The following CIMAP1D variants were observed in gnomAD, a reference collection of about 807,000 sequenced individuals.
CIMAP1D encodes CIMAP1 family member D.
At chr19:490,873 C>T in the CIMAP1D span, among the ~76,000 whole-genome samples, 2 of 152,166 alleles carry the variant, frequency 1.3e-5, no homozygotes, top group Admixed American at 6.5e-5. Context: ...CCAAGGCGGG[C>T]GGATCACCTG....
At chr19:480,735 G>GGATGATGGAGAAC in the CIMAP1D span, among the ~76,000 whole-genome samples, 3 of 115,158 alleles carry the variant, frequency 2.6e-5, no homozygotes, top group Admixed American at 8.8e-5. Flanking sequence ...ATGATGGGAA[G>GGATGATGGAGAAC]GATGATGGAG....
the CIMAP1D span, among the ~76,000 whole-genome samples, chr19:468,878 A>C: frequency 1.5e-4 from 6 of 38,756 alleles, no homozygotes; most frequent in South Asian, 6.3e-4. Context: ...ACATCATCCA[A>C]ACCTTTGCCC....
the CIMAP1D span, among the ~76,000 whole-genome samples, chr19:465,134 G>A: frequency 8.5e-5 from 10 of 117,512 alleles, no homozygotes; most frequent in African/African-American, 4.0e-4. Flanking sequence ...TTGATGAGTG[G>A]ATGGATGGAT....
chr19:467,956 A>C, the CIMAP1D span, among the ~76,000 whole-genome samples: 2 of 151,266 alleles, frequency 1.3e-5, no homozygotes, highest in South Asian at 4.2e-4. Context: ...CTCTGCTCTG[A>C]CTCTGTCTCC....
chr19:465,131 GTGGA>G, the CIMAP1D span, among the ~76,000 whole-genome samples: 6,702 of 77,160 alleles, frequency 0.087, 445 homozygotes, highest in African/African-American at 0.17. Context: ...GGGTTGATGA[GTGGA>G]TGGATGGATG....
At chr19:470,698 C>T in the CIMAP1D span, among the ~76,000 whole-genome samples, 2 of 152,326 alleles carry the variant, frequency 1.3e-5, no homozygotes, top group South Asian at 4.1e-4. Flanking sequence ...CTGTCCAAAT[C>T]CCCACACAAG....
chr19:478,590 C>A, the CIMAP1D span, among the ~76,000 whole-genome samples: 7 of 152,252 alleles, frequency 4.6e-5, no homozygotes, highest in African/African-American at 7.2e-5. Context: ...CAGAGCTTGT[C>A]GCAACTGCCA....
the CIMAP1D span, among the ~76,000 whole-genome samples, chr19:488,526 A>T: frequency 6.6e-6 from 1 of 152,258 alleles, no homozygotes; most frequent in African/African-American, 2.4e-5. Flanking sequence ...CGTCTCAAAA[A>T]AATAACAAGT....
the CIMAP1D span, among the ~76,000 whole-genome samples, chr19:471,661 A>G: frequency 6.6e-6 from 1 of 151,916 alleles, no homozygotes; most frequent in Non-Finnish European, 1.5e-5. Context: ...TCAAAAAGGC[A>G]TCTAATCCTT....
At chr19:478,695 C>T in the CIMAP1D span, among the ~76,000 whole-genome samples, 1 of 152,282 alleles carries the variant, frequency 6.6e-6, no homozygotes, top group Non-Finnish European at 1.5e-5. Context: ...GAGACTAAAT[C>T]ACAACAGTGA....
the CIMAP1D span, among the ~76,000 whole-genome samples, chr19:467,411 C>T: frequency 6.6e-6 from 1 of 152,074 alleles, no homozygotes; most frequent in Non-Finnish European, 1.5e-5. Flanking sequence ...CCAGCTGCCT[C>T]TGTGGCCATG....
At chr19:475,147 T>G in the CIMAP1D span, among the ~76,000 whole-genome samples, 14 of 151,882 alleles carry the variant, frequency 9.2e-5, no homozygotes, top group Non-Finnish European at 1.8e-4. Flanking sequence ...GGCGGGGTCG[T>G]GGGTGGCGTG....
the CIMAP1D span, among the ~76,000 whole-genome samples, chr19:473,190 A>G: frequency 9.5e-3 from 617 of 64,900 alleles, 24 homozygotes; most frequent in East Asian, 0.058. Flanking sequence ...CCAGAGATAC[A>G]CGGTCACAGA....
At chr19:478,775 G>A in the CIMAP1D span, among the ~76,000 whole-genome samples, 1 of 152,290 alleles carries the variant, frequency 6.6e-6, no homozygotes, top group African/African-American at 2.4e-5. Flanking sequence ...GCTGCCGGCT[G>A]CAGGCGAGGG....
At chr19:465,323 ATGGATGGATGAGTGAG>A in the CIMAP1D span, among the ~76,000 whole-genome samples, 16 of 144,724 alleles carry the variant, frequency 1.1e-4, no homozygotes, top group Non-Finnish European at 1.7e-4. Flanking sequence ...GTGTAGATGG[ATGGATGGATGAGTGAG>A]TGGATGGATG....
chr19:468,849 G>A, the CIMAP1D span, among the ~76,000 whole-genome samples: 43 of 44,550 alleles, frequency 9.7e-4, no homozygotes, highest in African/African-American at 1.5e-3. Flanking sequence ...GCCCAGACAC[G>A]GCTCCAGACC....
the CIMAP1D span, chr19:474,710 G>A: frequency 1.3e-6 from 2 of 1,555,508 alleles, no homozygotes; most frequent in East Asian, 2.4e-5. Context: ...GGGGGCTGTG[G>A]CCAGCCGTGG....
the CIMAP1D span, among the ~76,000 whole-genome samples, chr19:485,318 C>T: frequency 6.6e-6 from 1 of 152,222 alleles, no homozygotes. Context: ...AGGCAGGAGC[C>T]GGGCGTGCCC....
chr19:489,843 C>T, the CIMAP1D span: 60 of 381,172 alleles, frequency 1.6e-4, no homozygotes, highest in Non-Finnish European at 2.4e-4. Context: ...AGCGAGTCGT[C>T]CTCAGAGGCC....
Sources: allele counts gnomAD v4.1 joint callset (sites outside exome capture counted in the v4.1 genomes callset), GRCh38; gene constraint gnomAD v4.1.1; transcripts MANE v1.5; gene names NCBI Gene and HGNC (gene_info 2026-07-23, HGNC 2026-07-21).